ALG2: variants seen among roughly 807,000 people sequenced by gnomAD.
ALG2 encodes the protein ALG2 alpha-1,3/1,6-mannosyltransferase.
A neutral mutation model predicts 30.5 loss-of-function variants in ALG2; 32 were observed. The observed-to-expected ratio is 1.05, with a 90% CI of 0.79 to 1.41. The LOEUF (loss-of-function observed/expected upper bound fraction) is 1.41, where lower values mean the gene tolerates loss of function less well. ALG2 is among the 40% of genes most tolerant of loss of function. The pLI is 0.00. For synonymous variants in ALG2, 253 were observed against 224.8 expected, an observed-to-expected ratio of 1.13 and a Z score of -1.12; for missense variants, 574 against 526.4, an observed-to-expected ratio of 1.09 and a Z score of -0.88.
chr9:99,217,261 A>AT lies in ALG2; in HGVS notation c.*672dup. 1 of 454,182 alleles carries AT rather than the reference A, an allele frequency of 2.2e-6. No individual in the cohort carries two copies. The allele number at this position is 454,182 out of a possible 1,614,324, so 28.1% of individuals were successfully genotyped here. A position where few individuals can be genotyped will look rare whatever the true frequency, so the allele number is the denominator to read the frequency against. ...GTGACAATATTCTTGCTTCATTTCA[A>AT]TATCCACTTTACCCTAGTGTTCTGA... On this transcript the variant is annotated 3_prime_UTR_variant, in exon 2 of 2. Coordinates refer to ENST00000476832, the MANE Select transcript of ALG2 (RefSeq NM_033087.4).
chr9:99,217,985 A>T lies in ALG2; in HGVS notation c.1200T>A (p.Pro400=), dbSNP rs764916897. The change falls in exon 2 of 2, where the codon CCT becomes CCA. Residue 400 remains proline, a synonymous_variant. Transcript: ENST00000476832. ...GGTAGAGCTGTTCTGTAAATGCTTC[A>T]GGGGAAAATTTTTCCTTCACTCTGG... is the stretch of plus-strand genomic sequence containing the variant. ...GRARVKEKFS[P]EAFTEQLYRY... 1 of 1,614,230 alleles carries T rather than the reference A, an allele frequency of 6.2e-7. No homozygotes were observed. Among genetic ancestry groups the T allele is most frequent in the Admixed American group, 1.7e-5 (1 of 60,028 alleles).
At chr9:99,218,899 C>A in intron 1 of ALG2, 63 bp from the exon 2 acceptor site, 4 of 1,568,504 alleles carry the variant, frequency 2.6e-6, no homozygotes, top group Non-Finnish European at 3.5e-6. Context: ...AAACCAAAAA[C>A]ACAGACACCC....
chr9:99,218,554 C>G lies in ALG2; in HGVS notation c.631G>C (p.Val211Leu), dbSNP rs753297689. Reference sequence around the variant, plus strand: ...AGGTCATCCAGCTTTTCAGGAACAACTGAGTCAAAGCTGGTGACATTTAGA... The same window carrying G: ...AGGTCATCCAGCTTTTCAGGAACAAGTGAGTCAAAGCTGGTGACATTTAGA... ...PSLNVTSFDSVVPEKLDDLVP... is the reference protein window; with the variant it reads ...PSLNVTSFDSLVPEKLDDLVP... The change falls in exon 2 of 2, where the codon GTT becomes CTT. Residue 211 changes from valine to leucine, a missense_variant. By Grantham distance (32) the Val-to-Leu change is conservative. Coordinates refer to ENST00000476832, the MANE Select transcript of ALG2 (RefSeq NM_033087.4). The G allele has an allele frequency of 6.2e-7, 1 of 1,614,178 alleles. No homozygotes were observed.
Position 99,218,180 on chromosome 9 carries a change from C to T in ALG2, c.1005G>A (p.Met335Ile), listed in dbSNP as rs936531159. Reference sequence around the variant, plus strand: ...CAGCAATGACTGGGCACTGCATGTACATGGCTTCCAGAGGGACAATGCCAA... The same window carrying T: ...CAGCAATGACTGGGCACTGCATGTATATGGCTTCCAGAGGGACAATGCCAA... ...EHFGIVPLEA[M>I]YMQCPVIAVN... The change falls in exon 2 of 2, where the codon ATG becomes ATA. Residue 335 changes from methionine to isoleucine, a missense_variant. Transcript: ENST00000476832. The T allele has an allele frequency of 1.9e-6, 3 of 1,613,438 alleles. No individual in the cohort carries two copies. The highest frequency in any genetic ancestry group is 2.5e-6 in the Non-Finnish European group (3 of 1,179,400).
chr9:99,216,862 T>C lies in ALG2; in HGVS notation c.*1072A>G, dbSNP rs1349547517. 4.4e-6 allele frequency: 2 copies of C among 454,154 alleles called. No homozygotes were observed. The highest frequency in any genetic ancestry group is 2.3e-5 in the Admixed American group (1 of 42,580). 28.1% of individuals were successfully genotyped at this position (454,154 alleles called of 1,614,324 possible). A position where few individuals can be genotyped will look rare whatever the true frequency, so the allele number is the denominator to read the frequency against. On this transcript the variant is annotated 3_prime_UTR_variant, in exon 2 of 2. Transcript: ENST00000476832. ...AGTCTAGCTCTTAAGAGTTGATAAA[T>C]GTGGAGCCTTTGGCTAGTAAGCTTT...
Position 99,221,721 on chromosome 9 carries a change from G to C in ALG2, c.174C>G (p.His58Gln). The part of the protein sequence containing the change: ...KIWTAHYDPG[H>Q]CFAESRELPV... ...GTAGCTCGCGGCTCTCGGCGAAACA[G>C]TGGCCCGGGTCGTAGTGCGCTGTCC... Residue 58 changes from histidine (H) to glutamine (Q), a missense_variant, in exon 1 of 2, where the codon CAC (histidine) becomes CAG (glutamine). Physicochemically the swap from His to Gln is conservative, Grantham distance 24 (BLOSUM62 0). Coordinates refer to ENST00000476832, the MANE Select transcript of ALG2 (RefSeq NM_033087.4). 6.3e-7 allele frequency: 1 copy of C among 1,597,748 alleles called. No individual in the cohort carries two copies.
In ALG2 at chr9:99,218,637, A is replaced by G. The variant is rs764545846; in HGVS notation, c.548T>C (p.Val183Ala). 4 of 1,614,164 alleles carry G rather than the reference A, an allele frequency of 2.5e-6. No individual in the cohort carries two copies. The highest frequency in any genetic ancestry group is 3.4e-6 in the Non-Finnish European group (4 of 1,180,024). Residue 183 changes from valine (V) to alanine (A), a missense_variant, in exon 2 of 2, where the codon GTT becomes GCT. Transcript: ENST00000476832. ...CAGGGACTTGAATGTTTCCTTAAAAACAGCAGCTGTGAACTGGCTGTTGAC... is the reference window on the plus strand; with the variant it reads ...CAGGGACTTGAATGTTTCCTTAAAAGCAGCAGCTGTGAACTGGCTGTTGAC... ...ILVNSQFTAA[V>A]FKETFKSLSH...
Position 99,221,607 on chromosome 9 carries a change from G to C in ALG2, c.288C>G (p.Phe96Leu). The change falls in exon 1 of 2, where the codon TTC becomes TTG. Residue 96 changes from phenylalanine (F) to leucine (L), a missense_variant. Transcript: ENST00000476832. ...CGAGGAACAGCACGTAGAGCGCCAGGAAAACCATGCGCACGTAGGCGCAGA... is the reference window on the plus strand; with the variant it reads ...CGAGGAACAGCACGTAGAGCGCCAGCAAAACCATGCGCACGTAGGCGCAGA... ...AAVCAYVRMV[F>L]LALYVLFLAD... 6.5e-7 allele frequency: 1 copy of C among 1,543,530 alleles called. No homozygotes were observed. The highest frequency in any genetic ancestry group is 8.7e-7 in the Non-Finnish European group (1 of 1,145,766).
chr9:99,221,809 G>C lies in ALG2; in HGVS notation c.86C>G (p.Ala29Gly), dbSNP rs1374973528. Residue 29 changes from alanine (A) to glycine (G), a missense_variant, in exon 1 of 2, where the codon GCT (alanine) becomes GGT (glycine). Physicochemically the swap from Ala to Gly is moderately conservative, Grantham distance 60 (BLOSUM62 0). Coordinates refer to ENST00000476832, the MANE Select transcript of ALG2 (RefSeq NM_033087.4). ...FLHPDLGVGG[A>G]ERLVLDAALA... ...CGCCGCGTCCAACACCAGCCGCTCAGCGCCGCCCACGCCCAGGTCTGGGTG... is the reference window on the plus strand; with the variant it reads ...CGCCGCGTCCAACACCAGCCGCTCACCGCCGCCCACGCCCAGGTCTGGGTG... 1 of 1,597,724 alleles carries C rather than the reference G, an allele frequency of 6.3e-7. No individual in the cohort carries two copies. The highest frequency in any genetic ancestry group is 8.5e-7 in the Non-Finnish European group (1 of 1,179,284).
At chr9:99,221,021 G>A (rs752836769) in intron 1 of ALG2, 2 of 1,353,116 alleles carry the variant, frequency 1.5e-6, no homozygotes, top group Admixed American at 1.9e-5. Context: ...CCAATGGGGA[G>A]CCATGTACAA....
rs928764503 is a variant in ALG2, at chr9:99,221,221, C to G, written c.348+326G>C. On this transcript the variant is annotated intron_variant, in intron 1 of 1. Transcript: ENST00000476832. Reference sequence around the variant, plus strand: ...ATTAGTAAAAGGTGACTGAAGCTGACTTCTAATACCAGCGTTTCTCAGAGC... The same window carrying G: ...ATTAGTAAAAGGTGACTGAAGCTGAGTTCTAATACCAGCGTTTCTCAGAGC... The G allele has an allele frequency of 2.0e-5, 25 of 1,272,036 alleles. No homozygotes were observed. The East Asian group carries it at 5.7e-4, about 29-fold the overall frequency. The allele number at this position is 1,272,036 out of a possible 1,614,324, so 78.8% of individuals were successfully genotyped here. A position where few individuals can be genotyped will look rare whatever the true frequency, so the allele number is the denominator to read the frequency against.
In ALG2 at chr9:99,216,682, A is replaced by G. The variant is rs1439005562; in HGVS notation, c.*1252T>C. The G allele has an allele frequency of 2.2e-6, 1 of 451,730 alleles. No individual in the cohort carries two copies. Among genetic ancestry groups the G allele is most frequent in the Non-Finnish European group, 4.4e-6 (1 of 225,474 alleles). The allele number at this position is 451,730 out of a possible 1,614,324, so 28.0% of individuals were successfully genotyped here. The stretch of plus-strand genomic sequence containing the variant: ...AATACTAATAGCTAATATATATACT[A>G]TATGCCAAGTATTAAGTACTTTGTA... On this transcript the variant is annotated 3_prime_UTR_variant, in exon 2 of 2. Transcript: ENST00000476832.
At chr9:99,220,864 A>AC in intron 1 of ALG2, 1 of 1,139,780 alleles carries the variant, frequency 8.8e-7, no homozygotes, top group Middle Eastern at 2.4e-4. Context: ...ATACTACTAA[A>AC]TTTTTAATCG....
At position 99,217,269 on chromosome 9, in the gene ALG2, T is replaced by G. The variant is rs1035379021; in HGVS notation, c.*665A>C. ...ATTCTTGCTTCATTTCAATATCCAC[T>G]TTACCCTAGTGTTCTGATTTCCAGT... On this transcript the variant is annotated 3_prime_UTR_variant, in exon 2 of 2. Transcript: ENST00000476832. The G allele has an allele frequency of 1.8e-5, 8 of 454,032 alleles. No homozygotes were observed. The highest frequency in any genetic ancestry group is 3.1e-5 in the Non-Finnish European group (7 of 226,802). 28.1% of individuals were successfully genotyped at this position (454,032 alleles called of 1,614,324 possible).
In ALG2 at chr9:99,221,801, G is replaced by C; in HGVS notation, c.94C>G (p.Leu32Val). 1 of 1,597,822 alleles carries C rather than the reference G, an allele frequency of 6.3e-7. No homozygotes were observed. Among genetic ancestry groups the C allele is most frequent in the East Asian group, 2.2e-5 (1 of 44,836 alleles). Reference protein sequence around the residue: ...PDLGVGGAERLVLDAALALQA... With the variant: ...PDLGVGGAERVVLDAALALQA... Reference sequence around the variant, plus strand: ...AGCGCCAGCGCCGCGTCCAACACCAGCCGCTCAGCGCCGCCCACGCCCAGG... The same window carrying C: ...AGCGCCAGCGCCGCGTCCAACACCACCCGCTCAGCGCCGCCCACGCCCAGG... The change falls in exon 1 of 2, where the codon CTG becomes GTG. Residue 32 changes from leucine to valine, a missense_variant. Transcript: ENST00000476832.
rs746100517 is a variant in ALG2, at chr9:99,218,723, T to C, written c.462A>G (p.Leu154=). 3.9e-5 allele frequency: 63 copies of C among 1,614,048 alleles called. No homozygotes were observed. The highest frequency in any genetic ancestry group is 5.1e-5 in the Non-Finnish European group (60 of 1,180,026). The stretch of plus-strand genomic sequence containing the variant: ...CTATCCAGTCAATTGGGGCCCTGTA[T>C]AGTCGTTTAAGAAAAGAATCTCTCT... ...LTKRDSFLKR[L]YRAPIDWIEE... The change falls in exon 2 of 2, where the codon CTA becomes CTG. Residue 154 remains leucine (L), a synonymous_variant. Transcript: ENST00000476832.
At chr9:99,218,893 CA>C (rs1264268994) in intron 1 of ALG2, 57 bp from the exon 2 acceptor site, 9 of 1,588,280 alleles carry the variant, frequency 5.7e-6, no homozygotes, top group Non-Finnish European at 7.7e-6. Context: ...TCAACCAAAC[CA>C]AAAACACAGA....
intron 1 of ALG2, among the ~76,000 whole-genome samples, chr9:99,220,485 A>G (rs1221607388): frequency 6.6e-6 from 1 of 152,186 alleles, no homozygotes; most frequent in Non-Finnish European, 1.5e-5. Context: ...AGCCTGGCCA[A>G]CATGGTGAAA....
Position 99,221,688 on chromosome 9 carries a change from G to C in ALG2, c.207C>G (p.Arg69=), listed in dbSNP as rs1321797796. The change falls in exon 1 of 2, where the codon CGC becomes CGG. Residue 69 remains arginine (R), a synonymous_variant. Transcript: ENST00000476832. ...CTCGCGGCAGCCAGTCCCCGGCACA[G>C]CGCACCGGTAGCTCGCGGCTCTCGG... The part of the protein sequence containing the change: ...CFAESRELPV[R]CAGDWLPRGL... The C allele has an allele frequency of 2.5e-6, 4 of 1,575,262 alleles. No individual in the cohort carries two copies. Among genetic ancestry groups the C allele is most frequent in the Non-Finnish European group, 3.4e-6 (4 of 1,166,490 alleles).
Sources: allele counts gnomAD v4.1 joint callset (sites outside exome capture counted in the v4.1 genomes callset), GRCh38; gene constraint gnomAD v4.1.1; transcripts MANE v1.5; gene names NCBI Gene and HGNC (gene_info 2026-07-23, HGNC 2026-07-21).